Variants in CCDC171 observed in about 807,000 individuals in gnomAD.
The protein encoded by CCDC171 is coiled-coil domain-containing protein 171.
In CCDC171, 177 loss-of-function variants were observed where a neutral mutation model predicts 168.2. The ratio of observed to expected loss-of-function variants is 1.05; its 90% confidence interval spans 0.93 to 1.19. CCDC171 has a LOEUF of 1.19. CCDC171 is among the 50% of genes most tolerant of loss of function. The pLI, the probability that CCDC171 is intolerant of heterozygous loss-of-function variation, is 0.00. For synonymous variants in CCDC171, 687 were observed against 540.8 expected, an observed-to-expected ratio of 1.27 and a Z score of -3.75; for missense variants, 1,991 against 1,539.0, an observed-to-expected ratio of 1.29 and a Z score of -4.91.
At chr9:15,618,231 G>A (rs563609826) in intron 6 of CCDC171, among the ~76,000 whole-genome samples, 19 of 152,318 alleles carry the variant, frequency 1.2e-4, no homozygotes, top group African/African-American at 4.6e-4. Flanking sequence ...CAGTGAGGAG[G>A]AATCCAGAGA....
chr9:15,564,566 T>C (rs975995771), intron 2 of CCDC171, among the ~76,000 whole-genome samples: 1 of 152,270 alleles, frequency 6.6e-6, no homozygotes, highest in African/African-American at 2.4e-5. Flanking sequence ...TTCGCTTCCT[T>C]ACTTGGTATC....
chr9:16,063,682 T>G, downstream of CCDC171, among the ~76,000 whole-genome samples: 1 of 146,202 alleles, frequency 6.8e-6, no homozygotes, highest in South Asian at 2.2e-4. Context: ...GCCTTTTGGA[T>G]ATTGTGTTCC....
intron 11 of CCDC171, among the ~76,000 whole-genome samples, chr9:15,697,337 C>T (rs1165030911): frequency 6.6e-6 from 1 of 152,182 alleles, no homozygotes; most frequent in Non-Finnish European, 1.5e-5. Flanking sequence ...TCTACTCTTG[C>T]TTGCTTTTGG....
intron 14 of CCDC171, among the ~76,000 whole-genome samples, chr9:15,726,169 G>A (rs940876264): frequency 6.6e-6 from 1 of 152,158 alleles, no homozygotes; most frequent in African/African-American, 2.4e-5. Context: ...ACATGAAGGG[G>A]TTGGAATTGC....
At chr9:16,003,316 A>C (rs1238861566) in intron 3 of CCDC171, among the ~76,000 whole-genome samples, 1 of 152,186 alleles carries the variant, frequency 6.6e-6, no homozygotes, top group Non-Finnish European at 1.5e-5. Context: ...ACAATGCCAA[A>C]GATTTTATGA....
chr9:16,047,617 G>A (rs946713629), intron 1 of CCDC171, among the ~76,000 whole-genome samples: 1 of 152,152 alleles, frequency 6.6e-6, no homozygotes, highest in East Asian at 1.9e-4. Flanking sequence ...TTTTCAGGAT[G>A]AAATCCAGTA....
At chr9:15,902,303 A>C (rs1004110743) in intron 24 of CCDC171, among the ~76,000 whole-genome samples, 2 of 151,034 alleles carry the variant, frequency 1.3e-5, no homozygotes, top group South Asian at 2.1e-4. Flanking sequence ...CACACATAAA[A>C]ATTTCAGAAA....
chr9:15,653,289 A>C (rs1483854005), intron 7 of CCDC171, among the ~76,000 whole-genome samples: 2 of 151,978 alleles, frequency 1.3e-5, no homozygotes, highest in Non-Finnish European at 2.9e-5. Flanking sequence ...ACAGGTGCAC[A>C]TCACCATGCC....
chr9:15,585,905 G>A (rs1320932998), intron 4 of CCDC171, among the ~76,000 whole-genome samples: 2 of 152,134 alleles, frequency 1.3e-5, no homozygotes, highest in East Asian at 3.9e-4. Flanking sequence ...GAACCAAGGA[G>A]ACAGAAGTTG....
At chr9:16,103,908 A>G in the CCDC171 span, among the ~76,000 whole-genome samples, 3,791 of 152,286 alleles carry the variant, frequency 0.025, 74 homozygotes, top group South Asian at 0.035. Flanking sequence ...AAATTACTCA[A>G]TAAAAACCAG....
chr9:15,713,383 A>C (rs141300701), intron 11 of CCDC171, among the ~76,000 whole-genome samples: 369 of 151,880 alleles, frequency 2.4e-3, no homozygotes, highest in Non-Finnish European at 3.9e-3. Context: ...GTGGGTTAAG[A>C]GAGAGAAAGC....
chr9:15,874,435 C>T, intron 23 of CCDC171, 97 bp from the exon 24 acceptor site: 5 of 959,180 alleles, frequency 5.2e-6, no homozygotes, highest in Non-Finnish European at 7.3e-6. Context: ...GTCCAGCGAT[C>T]AATGCAAGTC....
chr9:16,090,234 G>A, the CCDC171 span, among the ~76,000 whole-genome samples: 2 of 152,156 alleles, frequency 1.3e-5, no homozygotes, highest in Non-Finnish European at 1.5e-5. Flanking sequence ...GGAATATGAA[G>A]CAGCCATATA....
intron 25 of CCDC171, among the ~76,000 whole-genome samples, chr9:15,942,145 G>A (rs1463212162): frequency 6.6e-6 from 1 of 151,796 alleles, no homozygotes; most frequent in African/African-American, 2.4e-5. Flanking sequence ...TTGATTTTTA[G>A]TTGACTAATC....
chr9:15,675,251 T>C (rs1431199413), intron 9 of CCDC171, among the ~76,000 whole-genome samples: 2 of 151,426 alleles, frequency 1.3e-5, no homozygotes, highest in Non-Finnish European at 2.9e-5. Flanking sequence ...CCCTTTATTT[T>C]GAGCCTCTGT....
At chr9:15,682,529 A>C (rs1309216272) in intron 10 of CCDC171, among the ~76,000 whole-genome samples, 2 of 151,988 alleles carry the variant, frequency 1.3e-5, no homozygotes, top group Non-Finnish European at 2.9e-5. Context: ...GTTTTGATAT[A>C]TACAACATAA....
At chr9:15,694,197 A>G (rs1226351909) in intron 10 of CCDC171, among the ~76,000 whole-genome samples, 2 of 152,126 alleles carry the variant, frequency 1.3e-5, no homozygotes, top group African/African-American at 2.4e-5. Flanking sequence ...CTGGAGTTCC[A>G]TAAGACTTGT....
chr9:15,904,592 G>A (rs1239293438), intron 24 of CCDC171, among the ~76,000 whole-genome samples: 1 of 152,092 alleles, frequency 6.6e-6, no homozygotes, highest in Admixed American at 6.5e-5. Flanking sequence ...AGACCATCGA[G>A]GCTAGGAAAA....
chr9:15,897,300 C>G (rs1383261283), intron 24 of CCDC171, among the ~76,000 whole-genome samples: 1 of 151,568 alleles, frequency 6.6e-6, no homozygotes, highest in African/African-American at 2.4e-5. Flanking sequence ...TCCAAGTCAT[C>G]TATTGTGTGG....
Sources: gnomAD v4.1 joint callset for allele counts (sites outside exome capture counted in the v4.1 genomes callset) on GRCh38, gnomAD v4.1.1 for gene constraint, MANE v1.5 for transcripts, NCBI Gene and HGNC (gene_info 2026-07-23, HGNC 2026-07-21) for gene names.